TMIE: variants seen among roughly 807,000 people sequenced by gnomAD.
TMIE encodes transmembrane inner ear, also known as transmembrane inner ear expressed protein.
A neutral mutation model predicts 16.8 loss-of-function variants in TMIE; 14 were observed. The observed-to-expected ratio is 0.83, with a 90% CI of 0.55 to 1.30. The LOEUF (loss-of-function observed/expected upper bound fraction) is 1.30, where lower values mean the gene tolerates loss of function less well. TMIE is among the 50% of genes most tolerant of loss of function. The probability of loss-of-function intolerance (pLI) is 0.00; values close to 1 mark genes in which losing one functional copy is unlikely to be tolerated. For synonymous variants in TMIE, 75 were observed against 87.2 expected, an observed-to-expected ratio of 0.86 and a Z score of 0.78; for missense variants, 204 against 205.9, an observed-to-expected ratio of 0.99 and a Z score of 0.06.
intron 2 of TMIE, among the ~76,000 whole-genome samples, chr3:46,707,220 G>C (rs970700871): frequency 1.3e-5 from 2 of 152,238 alleles, no homozygotes; most frequent in Non-Finnish European, 1.5e-5. Flanking sequence ...GGAGCCACAG[G>C]CACAGCCTAG....
At chr3:46,694,094 G>C (rs1458328999), upstream of TMIE, among the ~76,000 whole-genome samples, 4 of 152,220 alleles carry the variant, frequency 2.6e-5, no homozygotes, top group Non-Finnish European at 5.9e-5. Flanking sequence ...TCCCGGGTCT[G>C]CCCTGAGTCA....
chr3:46,704,287 A>T (rs1219266926), intron 1 of TMIE, among the ~76,000 whole-genome samples: 1 of 136,352 alleles, frequency 7.3e-6, no homozygotes, highest in Non-Finnish European at 1.6e-5. Flanking sequence ...GGGCAGGACC[A>T]TGTCCCTAGA....
At chr3:46,706,630 A>G (rs924008241) in intron 2 of TMIE, among the ~76,000 whole-genome samples, 2 of 152,106 alleles carry the variant, frequency 1.3e-5, no homozygotes, top group African/African-American at 4.8e-5. Context: ...GTAAAGGGAG[A>G]AGCAGCCCAC....
Position 46,706,072 on chromosome 3 carries a change from G to A in TMIE, c.211+165G>A, listed in dbSNP as rs192863369. Among the ~76,000 whole-genome samples, 3 of 152,366 alleles carry A rather than the reference G, an allele frequency of 2.0e-5. No individual in the cohort carries two copies. The East Asian group carries it at 5.8e-4, about 29-fold the overall frequency. ...ACCTCCTGATCCACACAAACTCCCCGTGGAGGGCTGACAGGCCGGTGGTGA... is the reference window on the plus strand; with the variant it reads ...ACCTCCTGATCCACACAAACTCCCCATGGAGGGCTGACAGGCCGGTGGTGA... On this transcript the variant is annotated intron_variant, in intron 2 of 3. Coordinates refer to ENST00000643606, the MANE Select transcript of TMIE (RefSeq NM_147196.3).
At chr3:46,705,965 G>A (rs1430665272) in intron 2 of TMIE, 58 bp downstream of exon 2, 22 of 1,545,572 alleles carry the variant, frequency 1.4e-5, no homozygotes, top group Non-Finnish European at 1.9e-5. Flanking sequence ...AGCACCCCCT[G>A]CCCCCCAGAG....
chr3:46,694,712 C>T (rs1401996664), intron 1 of TMIE: 3 of 152,268 alleles, frequency 2.0e-5, no homozygotes, highest in Non-Finnish European at 4.4e-5. Context: ...TGCACATCAC[C>T]CCTTGGAGGG....
At chr3:46,695,913 G>A (rs1289085291) in intron 1 of TMIE, among the ~76,000 whole-genome samples, 1 of 152,170 alleles carries the variant, frequency 6.6e-6, no homozygotes, top group Non-Finnish European at 1.5e-5. Flanking sequence ...TCTGCTAAAT[G>A]GGGCAAGACC....
chr3:46,703,763 G>A (rs1461493671), intron 1 of TMIE, among the ~76,000 whole-genome samples: 1 of 152,140 alleles, frequency 6.6e-6, no homozygotes, highest in Non-Finnish European at 1.5e-5. Flanking sequence ...CTGAAGGGTG[G>A]CATTCACTAG....
intron 3 of TMIE, 54 bp downstream of exon 3, chr3:46,709,329 T>G: frequency 9.3e-6 from 15 of 1,612,792 alleles, no homozygotes; most frequent in Non-Finnish European, 1.3e-5. Flanking sequence ...TCAGTCCTGC[T>G]GCCTGGAGTC....
At chr3:46,695,719 G>A (rs1451577332) in intron 1 of TMIE, among the ~76,000 whole-genome samples, 1 of 152,200 alleles carries the variant, frequency 6.6e-6, no homozygotes, top group African/African-American at 2.4e-5. Context: ...GCAGCTGAGG[G>A]AAGGCAGTGC....
At chr3:46,699,057 C>CTTTTTTTTTTTTTTTTTTTTTTTTTTTTT (rs1246748003), upstream of TMIE, among the ~76,000 whole-genome samples, 1 of 65,292 alleles carries the variant, frequency 1.5e-5, no homozygotes, top group African/African-American at 5.4e-5. Flanking sequence ...AATGGTGTTT[C>CTTTTTTTTTTTTTTTTTTTTTTTTTTTTT]TTATTTTTTT....
intron 1 of TMIE, among the ~76,000 whole-genome samples, chr3:46,694,865 G>A (rs993330298): frequency 2.6e-5 from 4 of 152,000 alleles, no homozygotes; most frequent in African/African-American, 7.3e-5. Context: ...GCCAAAGCCC[G>A]CCCTAGCTCT....
chr3:46,705,666 G>C, intron 1 of TMIE, 124 bp from the exon 2 acceptor site: 3 of 827,462 alleles, frequency 3.6e-6, no homozygotes, highest in Non-Finnish European at 6.1e-6. Context: ...GCATGCTTAA[G>C]AGAGTTGATT....
In TMIE at chr3:46,705,844, G is replaced by T. The variant is rs567795032; in HGVS notation, c.148G>T (p.Val50Leu). 1.3e-4 allele frequency: 204 copies of T among 1,614,164 alleles called. 1 individual carries two copies. In the South Asian group the frequency reaches 2.1e-3, roughly 17 times the overall value. The change falls in exon 2 of 4, where the codon GTG becomes TTG. Residue 50 changes from valine to leucine, a missense_variant. Coordinates refer to ENST00000643606, the MANE Select transcript of TMIE (RefSeq NM_147196.3). ...KPPPLTKETV[V>L]FWDMRLWHVV... is the part of the protein sequence containing the mutation. ...GCCTCCGCTGACCAAGGAGACAGTG[G>T]TGTTCTGGGACATGCGCCTGTGGCA...
At position 46,695,116 on chromosome 3, in the gene TMIE, C is replaced by T. The variant is rs1211091602; in HGVS notation, c.-67+498C>T. On this transcript the variant is annotated intron_variant, in intron 1 of 3. Transcript: ENST00000644830. ...GGACCTTGGCCCCCACTCCCCTTCA[C>T]AGCCCTGTTGGCCTGCGGGACTGTC... Among the ~76,000 whole-genome samples the T allele has an allele frequency of 3.9e-5, 6 of 152,350 alleles. No individual in the cohort carries two copies. In the East Asian group the frequency reaches 7.7e-4, roughly 20 times the overall value.
chr3:46,700,371 C>G (rs183381660), upstream of TMIE, among the ~76,000 whole-genome samples: 1 of 152,326 alleles, frequency 6.6e-6, no homozygotes, highest in African/African-American at 2.4e-5. Context: ...CAGGCCAGAA[C>G]CTCACAGGGC....
At chr3:46,693,827 C>T (rs1027757132), upstream of TMIE, 4 of 152,046 alleles carry the variant, frequency 2.6e-5, no homozygotes, top group African/African-American at 4.8e-5. Flanking sequence ...GGAGCTGGCG[C>T]GCGGTATTGA....
intron 1 of TMIE, among the ~76,000 whole-genome samples, chr3:46,702,353 C>G (rs1700487312): frequency 6.6e-6 from 1 of 152,098 alleles, no homozygotes; most frequent in South Asian, 2.1e-4. Flanking sequence ...AGCACAGAAG[C>G]TGGGGGAGAG....
At chr3:46,706,184 G>A (rs1365376890) in intron 2 of TMIE, among the ~76,000 whole-genome samples, 2 of 152,198 alleles carry the variant, frequency 1.3e-5, no homozygotes, top group Non-Finnish European at 2.9e-5. Context: ...GGACTGGGAC[G>A]AGGACGTGTC....
Sources: gnomAD v4.1 joint callset for allele counts (sites outside exome capture counted in the v4.1 genomes callset) on GRCh38, gnomAD v4.1.1 for gene constraint, MANE v1.5 for transcripts, NCBI Gene and HGNC (gene_info 2026-07-23, HGNC 2026-07-21) for gene names.